PLCB1: variants seen among roughly 807,000 people sequenced by gnomAD.
PLCB1 encodes the protein phospholipase C beta 1, also known as 1-phosphatidylinositol 4,5-bisphosphate phosphodiesterase beta-1.
Under a neutral mutation model 161.8 loss-of-function variants are expected in PLCB1, and 46 were observed. The ratio of observed to expected loss-of-function variants is 0.28; its 90% confidence interval spans 0.22 to 0.36. The LOEUF is 0.36. Among genes scored for constraint, PLCB1 ranks in the 10% least tolerant of loss-of-function variants. The probability of loss-of-function intolerance (pLI) is 1.00; values close to 1 mark genes in which losing one functional copy is unlikely to be tolerated. For missense variants in PLCB1, 1,016 were observed against 1,472.5 expected (o/e 0.69, Z 5.07); for synonymous variants, 517 against 503.7 (o/e 1.03, Z -0.35).
chr20:8,831,902 CTCTTTCTTTCTCTT>C (rs200166128), intron 31 of PLCB1, among the ~76,000 whole-genome samples: 9,918 of 118,522 alleles, frequency 0.084, 1,180 homozygotes, highest in East Asian at 0.21. Context: ...CTTTCTCCCT[CTCTTTCTTTCTCTT>C]TCTTTCTTTC....
chr20:8,203,166 TA>T (rs1310768936), intron 2 of PLCB1, among the ~76,000 whole-genome samples: 1 of 151,566 alleles, frequency 6.6e-6, no homozygotes, highest in African/African-American at 2.4e-5. Context: ...CTGGAGAAAG[TA>T]AAAATCACTA....
At chr20:8,509,576 C>T (rs1983783168) in intron 3 of PLCB1, among the ~76,000 whole-genome samples, 2 of 151,846 alleles carry the variant, frequency 1.3e-5, no homozygotes, top group Admixed American at 6.6e-5. Flanking sequence ...GTGGCTAAAC[C>T]CAAAGTTTTT....
At chr20:8,227,306 C>A (rs938078365) in intron 2 of PLCB1, among the ~76,000 whole-genome samples, 1 of 152,156 alleles carries the variant, frequency 6.6e-6, no homozygotes, top group Non-Finnish European at 1.5e-5. Context: ...GATGGTGCGG[C>A]TTTGCCTGTC....
intron 2 of PLCB1, among the ~76,000 whole-genome samples, chr20:8,300,545 T>TTA (rs1983858415): frequency 6.6e-6 from 1 of 152,112 alleles, no homozygotes; most frequent in Non-Finnish European, 1.5e-5. Flanking sequence ...GTGGTTTTTT[T>TTA]TTATTATTAT....
intron 3 of PLCB1, among the ~76,000 whole-genome samples, chr20:8,500,175 C>G: frequency 6.6e-6 from 1 of 152,142 alleles, no homozygotes; most frequent in Non-Finnish European, 1.5e-5. Context: ...TTGGAAACAT[C>G]TATCAAATCA....
At chr20:8,636,745 A>G (rs1988774519) in intron 4 of PLCB1, among the ~76,000 whole-genome samples, 1 of 152,186 alleles carries the variant, frequency 6.6e-6, no homozygotes, top group Admixed American at 6.5e-5. Flanking sequence ...GCCCACATAA[A>G]AACAATTAAT....
intron 3 of PLCB1, among the ~76,000 whole-genome samples, chr20:8,572,010 A>C (rs1403189131): frequency 6.6e-6 from 1 of 152,194 alleles, no homozygotes. Context: ...AAAAATTACT[A>C]TTTAATGTCA....
rs552849405 is a variant in PLCB1, at chr20:8,332,558, G to A, written c.178-38824G>A. On this transcript the variant is annotated intron_variant, in intron 2 of 31. Coordinates refer to ENST00000338037, the MANE Select transcript of PLCB1 (RefSeq NM_015192.4). ...AACTTCATGACCACTCTATAGTGTG[G>A]TAACTATGATTATCCCTAGATGAGA... Among the ~76,000 whole-genome samples the A allele has an allele frequency of 5.9e-4, 90 of 152,268 alleles. 1 individual carries two copies. The highest frequency in any genetic ancestry group is 3.4e-3 in the Middle Eastern group (1 of 294).
intron 12 of PLCB1, among the ~76,000 whole-genome samples, chr20:8,709,562 G>T (rs1978879995): frequency 6.6e-6 from 1 of 152,110 alleles, no homozygotes. Flanking sequence ...CCTATTGGGA[G>T]TCTTTCCCAG....
intron 2 of PLCB1, among the ~76,000 whole-genome samples, chr20:8,195,274 A>G (rs941590811): frequency 2.6e-5 from 4 of 152,018 alleles, no homozygotes; most frequent in African/African-American, 9.7e-5. Flanking sequence ...ATGTTTTTCA[A>G]GTTAAGATTC....
At chr20:8,277,839 A>C (rs1021736365) in intron 2 of PLCB1, among the ~76,000 whole-genome samples, 3 of 152,172 alleles carry the variant, frequency 2.0e-5, no homozygotes, top group African/African-American at 7.2e-5. Context: ...GACTGGTAAA[A>C]GTGCAAAGGG....
chr20:8,393,634 G>C (rs2122442064), intron 3 of PLCB1, among the ~76,000 whole-genome samples: 1 of 152,286 alleles, frequency 6.6e-6, no homozygotes, highest in South Asian at 2.1e-4. Flanking sequence ...CGGCCTGGGT[G>C]ACTGGTCAAA....
chr20:8,181,967 T>C (rs2051848597), intron 2 of PLCB1, among the ~76,000 whole-genome samples: 1 of 152,114 alleles, frequency 6.6e-6, no homozygotes, highest in African/African-American at 2.4e-5. Flanking sequence ...AGATCCTGTG[T>C]CTAAAAAGAA....
At chr20:8,214,303 G>A (rs956546252) in intron 2 of PLCB1, among the ~76,000 whole-genome samples, 2 of 152,110 alleles carry the variant, frequency 1.3e-5, no homozygotes, top group African/African-American at 4.8e-5. Flanking sequence ...GATTTCTCAT[G>A]AATGGTTTAG....
chr20:8,151,372 T>C (rs575211093), intron 2 of PLCB1, among the ~76,000 whole-genome samples: 2 of 152,160 alleles, frequency 1.3e-5, no homozygotes, highest in Non-Finnish European at 2.9e-5. Context: ...CAAGCTCAAT[T>C]ATACCTGTGT....
At chr20:8,273,784 A>G (rs1292109631) in intron 2 of PLCB1, among the ~76,000 whole-genome samples, 1 of 152,204 alleles carries the variant, frequency 6.6e-6, no homozygotes, top group Non-Finnish European at 1.5e-5. Flanking sequence ...CGGAGTGAGC[A>G]TATGAATTGT....
intron 31 of PLCB1, chr20:8,880,842 CTT>C (rs1399445554): frequency 7.7e-6 from 1 of 130,268 alleles, no homozygotes; most frequent in Non-Finnish European, 1.6e-5. Context: ...TTCTTTTCCT[CTT>C]TTTCTTTCTT....
chr20:8,195,432 G>A (rs2052011508), intron 2 of PLCB1, among the ~76,000 whole-genome samples: 1 of 152,022 alleles, frequency 6.6e-6, no homozygotes, highest in African/African-American at 2.4e-5. Flanking sequence ...TTGCCCATCA[G>A]CCAGGTGAAG....
At chr20:8,339,620 G>A (rs186501568) in intron 2 of PLCB1, among the ~76,000 whole-genome samples, 18 of 152,268 alleles carry the variant, frequency 1.2e-4, no homozygotes, top group Admixed American at 1.1e-3. Flanking sequence ...CTCACGCCCA[G>A]TTCATGTGTA....
Sources: allele counts gnomAD v4.1 joint callset (sites outside exome capture counted in the v4.1 genomes callset), GRCh38; gene constraint gnomAD v4.1.1; transcripts MANE v1.5; gene names NCBI Gene and HGNC (gene_info 2026-07-23, HGNC 2026-07-21).